The following DNAH9 variants were observed in gnomAD, a reference collection of about 807,000 sequenced individuals.
DNAH9 encodes dynein axonemal heavy chain 9, also known as DNAH9 variant protein.
Under a neutral mutation model 471.6 loss-of-function variants are expected in DNAH9, and 345 were observed. That is an observed-to-expected ratio of 0.73 (90% CI 0.67 to 0.80). The LOEUF (loss-of-function observed/expected upper bound fraction) is 0.80. DNAH9 is among the 30% of genes least tolerant of loss of function. The pLI is 0.00. For synonymous variants in DNAH9, 2,093 were observed against 2,123.6 expected (o/e 0.99, Z 0.40); for missense variants, 5,407 against 5,609.2 (o/e 0.96, Z 1.15).
At chr17:11,699,287 C>A (rs1253373815) in intron 22 of DNAH9, among the ~76,000 whole-genome samples, 4 of 151,644 alleles carry the variant, frequency 2.6e-5, no homozygotes, top group Non-Finnish European at 5.9e-5. Flanking sequence ...TGGCTTCTTC[C>A]ACAGGCCACT....
At position 11,800,948 on chromosome 17, in the gene DNAH9, A is replaced by G. The variant is rs533375624; in HGVS notation, c.8420+3155A>G. ...CAGAGAGGGAAGGGGAGTAGAGAGG[A>G]CTGAGGGTGATCCTAATTATAACTA... On this transcript the variant is annotated intron_variant, in intron 43 of 68. Transcript: ENST00000262442. Among the ~76,000 whole-genome samples the G allele has an allele frequency of 5.3e-5, 8 of 152,284 alleles. 1 individual carries two copies. The highest frequency in any genetic ancestry group is 2.1e-4 in the South Asian group (1 of 4,824).
intron 12 of DNAH9, among the ~76,000 whole-genome samples, chr17:11,649,929 G>A (rs2073469735): frequency 6.6e-6 from 1 of 152,124 alleles, no homozygotes; most frequent in African/African-American, 2.4e-5. Context: ...AATTTTGCCA[G>A]TTTAAATGGC....
chr17:11,690,459 A>C, intron 20 of DNAH9, 23 bp downstream of exon 20: 1 of 1,603,064 alleles, frequency 6.2e-7, no homozygotes, highest in Non-Finnish European at 8.5e-7. Flanking sequence ...GAAATCTAGA[A>C]TCTCTCTATT....
At chr17:11,781,840 A>AAAC in intron 39 of DNAH9, among the ~76,000 whole-genome samples, 1 of 146,418 alleles carries the variant, frequency 6.8e-6, no homozygotes, top group African/African-American at 2.6e-5. Flanking sequence ...TTAAAAAAAA[A>AAAC]AAACAAACAA....
chr17:11,851,554 G>A (rs954079414), intron 49 of DNAH9, among the ~76,000 whole-genome samples: 1 of 152,298 alleles, frequency 6.6e-6, no homozygotes. Context: ...CTACAGCCTA[G>A]TGAGAAAAGG....
intron 17 of DNAH9, among the ~76,000 whole-genome samples, chr17:11,676,175 CTCATGTAAAT>C (rs1221962911): frequency 6.6e-6 from 1 of 151,586 alleles, no homozygotes; most frequent in Non-Finnish European, 1.5e-5. Context: ...ATGTATCCAT[CTCATGTAAAT>C]CTTCAAATTA....
At chr17:11,958,429 T>C (rs917969443) in intron 67 of DNAH9, among the ~76,000 whole-genome samples, 2 of 152,220 alleles carry the variant, frequency 1.3e-5, no homozygotes, top group Non-Finnish European at 2.9e-5. Context: ...TGCAATGACA[T>C]ATACTAAAAT....
rs545479545 is a variant in DNAH9, at chr17:11,869,021, G to A, written c.9934-113G>A. 2.2e-5 allele frequency: 27 copies of A among 1,245,680 alleles called. No individual in the cohort carries two copies. The African/African-American group carries it at 3.6e-4, about 17-fold the overall frequency. The allele number at this position is 1,245,680 out of a possible 1,614,324, so 77.2% of individuals were successfully genotyped here. ...CTGCTTTCCCTGGTCCCATAGGAAT[G>A]CCCCCGCAGAGTGCTTCCTTCAGAA... On this transcript the variant is annotated intron_variant, in intron 50 of 68. Coordinates refer to ENST00000262442, the MANE Select transcript of DNAH9 (RefSeq NM_001372.4).
chr17:11,629,674 T>C, intron 7 of DNAH9, 90 bp downstream of exon 7: 1 of 1,212,846 alleles, frequency 8.2e-7, no homozygotes, highest in Non-Finnish European at 1.1e-6. Flanking sequence ...GCATTTTCCC[T>C]GTGTATTTCC....
At chr17:11,707,017 T>A (rs1379740232) in intron 26 of DNAH9, among the ~76,000 whole-genome samples, 2 of 152,228 alleles carry the variant, frequency 1.3e-5, no homozygotes, top group African/African-American at 4.8e-5. Flanking sequence ...AAATCTGTAC[T>A]TTATGAAGAT....
intron 48 of DNAH9, among the ~76,000 whole-genome samples, chr17:11,830,070 A>G (rs962312310): frequency 2.0e-4 from 30 of 152,308 alleles, no homozygotes; most frequent in African/African-American, 7.0e-4. Context: ...GCAGCTGACA[A>G]AACATCCTGG....
chr17:11,844,906 C>T (rs1005549149), intron 49 of DNAH9, among the ~76,000 whole-genome samples: 5 of 151,848 alleles, frequency 3.3e-5, no homozygotes, highest in East Asian at 1.9e-4. Context: ...TGATTAGCTA[C>T]GTTGAGCTTT....
intron 67 of DNAH9, among the ~76,000 whole-genome samples, chr17:11,959,626 C>T (rs1975909815): frequency 6.6e-6 from 1 of 152,174 alleles, no homozygotes. Context: ...TTCATTTCAG[C>T]AGATCCTTAG....
intron 22 of DNAH9, among the ~76,000 whole-genome samples, chr17:11,695,531 T>C (rs1457752632): frequency 6.6e-6 from 1 of 152,226 alleles, no homozygotes; most frequent in East Asian, 1.9e-4. Flanking sequence ...GACATGTGAC[T>C]TCTTAGCAAC....
At chr17:11,726,938 C>T (rs1179365353) in intron 27 of DNAH9, among the ~76,000 whole-genome samples, 1 of 151,020 alleles carries the variant, frequency 6.6e-6, no homozygotes, top group Non-Finnish European at 1.5e-5. Flanking sequence ...ATCGCAGCTA[C>T]TCGGGAGGCT....
chr17:11,628,858 C>T (rs1429288393), intron 6 of DNAH9, among the ~76,000 whole-genome samples: 1 of 152,120 alleles, frequency 6.6e-6, no homozygotes, highest in East Asian at 1.9e-4. Flanking sequence ...GCATACATTT[C>T]ACTTATTTAT....
At chr17:11,873,352 C>T (rs1972354439) in intron 52 of DNAH9, 1 of 152,086 alleles carries the variant, frequency 6.6e-6, no homozygotes, top group Non-Finnish European at 1.5e-5. Flanking sequence ...ATGATTTTGA[C>T]ACGTCAAATA....
At chr17:11,940,802 G>A (rs1019674453) in intron 66 of DNAH9, among the ~76,000 whole-genome samples, 3 of 152,186 alleles carry the variant, frequency 2.0e-5, no homozygotes, top group Non-Finnish European at 4.4e-5. Context: ...AGACACTCTT[G>A]GAAGTGTTTA....
rs370697162 is a variant in DNAH9 at position 11,699,821 on chromosome 17, G to A, written c.4963G>A (p.Gly1655Ser). The stretch of plus-strand genomic sequence containing the variant: ...TGGGGAACCAACCAAGACAAGCCTC[G>A]GCATGTACAGCAAAGAAGAGGAGTA... ...ASGEPTKTSL[G>S]MYSKEEEYVA... Residue 1655 changes from glycine (G) to serine (S), a missense_variant, in exon 23 of 69, where the codon GGC (glycine) becomes AGC (serine). Physicochemically the swap from Gly to Ser is moderately conservative, Grantham distance 56. Transcript: ENST00000262442. 27 of 1,614,102 alleles carry A rather than the reference G, an allele frequency of 1.7e-5. No individual in the cohort carries two copies. The highest frequency in any genetic ancestry group is 4.5e-5 in the East Asian group (2 of 44,882).
Sources: allele counts gnomAD v4.1 joint callset (sites outside exome capture counted in the v4.1 genomes callset), GRCh38; gene constraint gnomAD v4.1.1; transcripts MANE v1.5; gene names NCBI Gene and HGNC (gene_info 2026-07-23, HGNC 2026-07-21).